The following UXS1 variants were observed in gnomAD, a reference collection of about 807,000 sequenced individuals.
UXS1 encodes the protein UDP-glucuronic acid decarboxylase 1.
UXS1 carries 33 observed loss-of-function variants against 62.6 expected under a neutral mutation model. The observed-to-expected ratio is 0.53, with a 90% CI of 0.40 to 0.70. UXS1 has a LOEUF of 0.70. Ranked by LOEUF, UXS1 falls within the 30% of genes least tolerant of loss-of-function variation. The pLI is 0.00. For missense variants in UXS1, 434 were observed against 556.3 expected, an observed-to-expected ratio of 0.78 and a Z score of 2.21; for synonymous variants, 213 against 206.8, an observed-to-expected ratio of 1.03 and a Z score of -0.26.
intron 5 of UXS1, among the ~76,000 whole-genome samples, chr2:106,152,207 T>C (rs1682074400): frequency 6.6e-6 from 1 of 152,116 alleles, no homozygotes; most frequent in Non-Finnish European, 1.5e-5. Context: ...TAAAATTCAC[T>C]TTGGGAGGCT....
At chr2:106,096,447 G>A (rs1677116323) in intron 14 of UXS1, among the ~76,000 whole-genome samples, 1 of 152,174 alleles carries the variant, frequency 6.6e-6, no homozygotes, top group Non-Finnish European at 1.5e-5. Flanking sequence ...GTATGTGTAT[G>A]AGAGAATGTA....
chr2:106,095,483 TACTC>T lies in UXS1; in HGVS notation c.1146+1231_1146+1234del, dbSNP rs926924246. On this transcript the variant is annotated intron_variant, in intron 14 of 14. Transcript: ENST00000283148. ...TTTGAAGTTCAATATTCTAGGATTC[TACTC>T]ACTCAGCTCTGACTATGCACATTTT... Among the ~76,000 whole-genome samples the T allele has an allele frequency of 2.6e-5, 4 of 152,372 alleles. No individual in the cohort carries two copies. In the South Asian group the frequency reaches 6.2e-4, roughly 24 times the overall value.
intron 7 of UXS1, among the ~76,000 whole-genome samples, chr2:106,126,328 G>A (rs909859774): frequency 1.3e-5 from 2 of 152,142 alleles, no homozygotes; most frequent in African/African-American, 4.8e-5. Context: ...CCAGTGTACA[G>A]TGGTTCACTA....
chr2:106,120,431 G>C (rs551784724), intron 9 of UXS1, among the ~76,000 whole-genome samples: 7 of 152,330 alleles, frequency 4.6e-5, no homozygotes, highest in Admixed American at 2.6e-4. Flanking sequence ...AACGGGTAGG[G>C]TCCGTGGGAA....
intron 6 of UXS1, among the ~76,000 whole-genome samples, chr2:106,130,647 C>A (rs891974113): frequency 2.0e-5 from 3 of 152,342 alleles, no homozygotes; most frequent in South Asian, 2.1e-4. Flanking sequence ...TCTGCCCGGG[C>A]CTTCCGGGCT....
chr2:106,171,983 G>T (rs1478939619), intron 1 of UXS1, among the ~76,000 whole-genome samples: 1 of 152,238 alleles, frequency 6.6e-6, no homozygotes, highest in Non-Finnish European at 1.5e-5. Context: ...CCTGGCTGCG[G>T]GGTCCTCATG....
At chr2:106,128,197 A>T (rs980935914) in intron 7 of UXS1, among the ~76,000 whole-genome samples, 1 of 152,126 alleles carries the variant, frequency 6.6e-6, no homozygotes, top group Non-Finnish European at 1.5e-5. Context: ...GGCGCTTGTG[A>T]TGGCAAGAAG....
chr2:106,107,944 C>T (rs1374229424), intron 10 of UXS1, among the ~76,000 whole-genome samples: 6 of 152,222 alleles, frequency 3.9e-5, no homozygotes, highest in Admixed American at 1.3e-4. Flanking sequence ...GTCCCTAGTA[C>T]AAGAGGAGGC....
At chr2:106,178,490 A>ATG (rs1558754920) in intron 1 of UXS1, among the ~76,000 whole-genome samples, 1 of 149,104 alleles carries the variant, frequency 6.7e-6, no homozygotes, top group Non-Finnish European at 1.5e-5. Context: ...GTATATATAT[A>ATG]TAAGTATGTG....
chr2:106,136,961 C>A (rs1373397197), intron 6 of UXS1, among the ~76,000 whole-genome samples: 33 of 80,616 alleles, frequency 4.1e-4, no homozygotes, highest in South Asian at 1.2e-3. Context: ...GTCAAGAACA[C>A]ACACAAAAAA....
chr2:106,129,187 G>C (rs1680218448), intron 7 of UXS1, among the ~76,000 whole-genome samples: 1 of 152,160 alleles, frequency 6.6e-6, no homozygotes, highest in Admixed American at 6.5e-5. Context: ...ACTCAGTCTT[G>C]ATAACACCCC....
chr2:106,099,798 A>G (rs1024614824), intron 12 of UXS1, among the ~76,000 whole-genome samples: 4 of 152,228 alleles, frequency 2.6e-5, no homozygotes, highest in Admixed American at 1.3e-4. Flanking sequence ...TGAGGCTTAC[A>G]GTGTGAGGCA....
intron 1 of UXS1, among the ~76,000 whole-genome samples, chr2:106,184,499 A>C (rs1249752106): frequency 6.6e-6 from 1 of 152,222 alleles, no homozygotes; most frequent in African/African-American, 2.4e-5. Flanking sequence ...GGTGGCTAAT[A>C]AACAGGAATT....
intron 14 of UXS1, 29 bp downstream of exon 14, chr2:106,096,689 A>G (rs1296314977): frequency 6.5e-7 from 1 of 1,530,218 alleles, no homozygotes; most frequent in Admixed American, 2.0e-5. Flanking sequence ...GCCCCTCCCC[A>G]CAAGGCAGCA....
chr2:106,145,232 C>A lies in UXS1; in HGVS notation c.430G>T (p.Glu144Ter). 1 of 1,613,896 alleles carries A rather than the reference C, an allele frequency of 6.2e-7. No homozygotes were observed. Among genetic ancestry groups the A allele is most frequent in the Non-Finnish European group, 8.5e-7 (1 of 1,179,850 alleles). ...VEHWIGHENFELINHDVVEPL... is the reference protein window; with the variant it reads ...VEHWIGHENF ...TCCACCACGTCGTGGTTAATCAACT[C>A]GAAGTTCTCATGTCCGATCCAGTGC... is the stretch of plus-strand genomic sequence containing the variant. Residue 144 changes from glutamate (E) to a stop codon, truncating the protein, a stop_gained, in exon 6 of 15, where the codon GAG (glutamate) becomes TAG (stop). Transcript: ENST00000283148. LOFTEE classifies it high-confidence loss of function.
intron 9 of UXS1, among the ~76,000 whole-genome samples, chr2:106,117,720 G>T (rs1679170456): frequency 6.6e-6 from 1 of 152,192 alleles, no homozygotes; most frequent in African/African-American, 2.4e-5. Flanking sequence ...TTCTCTCAGA[G>T]AAGTATATGC....
intron 1 of UXS1, among the ~76,000 whole-genome samples, chr2:106,180,223 G>A (rs1224119055): frequency 6.6e-6 from 1 of 152,232 alleles, no homozygotes; most frequent in East Asian, 1.9e-4. Context: ...ATGGTACAAT[G>A]CAAAGGAAAC....
chr2:106,100,903 G>T, intron 12 of UXS1, 155 bp downstream of exon 12: 1 of 916,954 alleles, frequency 1.1e-6, no homozygotes, highest in Non-Finnish European at 1.7e-6. Flanking sequence ...CTTACTTTGT[G>T]TTTGTTTGTT....
intron 1 of UXS1, among the ~76,000 whole-genome samples, chr2:106,187,263 G>A (rs1684620153): frequency 2.0e-5 from 3 of 152,072 alleles, no homozygotes; most frequent in Admixed American, 2.0e-4. Flanking sequence ...ACAGGCCTAG[G>A]AGGATCCTAG....
Sources: allele counts gnomAD v4.1 joint callset (sites outside exome capture counted in the v4.1 genomes callset), GRCh38; gene constraint gnomAD v4.1.1; transcripts MANE v1.5; gene names NCBI Gene and HGNC (gene_info 2026-07-23, HGNC 2026-07-21).